Variants in CEACAM18 observed in about 807,000 individuals in gnomAD.
CEACAM18 encodes cell adhesion molecule CEACAM18.
CEACAM18 carries 33 observed loss-of-function variants against 34.3 expected under a neutral mutation model. That is an observed-to-expected ratio of 0.96 (90% CI 0.73 to 1.29). The LOEUF (loss-of-function observed/expected upper bound fraction) is 1.29. CEACAM18 is among the 50% of genes most tolerant of loss of function. CEACAM18 has a pLI of 0.00. For missense variants in CEACAM18, 474 were observed against 485.0 expected (o/e 0.98, Z 0.21); for synonymous variants, 169 against 180.9 (o/e 0.93, Z 0.53).
chr19:51,483,073 A>T (rs61732922), exon 4 of CEACAM18: 144 of 1,613,984 alleles, frequency 8.9e-5, no homozygotes, highest in Admixed American at 4.0e-4. Flanking sequence ...CGGCATTGTG[A>T]CAGCTGAGAT....
intron 3 of CEACAM18, among the ~76,000 whole-genome samples, chr19:51,482,588 G>C (rs954670175): frequency 7.9e-5 from 12 of 152,170 alleles, no homozygotes; most frequent in African/African-American, 2.9e-4. Flanking sequence ...CCTGAGACTG[G>C]CTCAATCCTT....
At chr19:51,482,497 A>G (rs1013272790) in intron 3 of CEACAM18, among the ~76,000 whole-genome samples, 3 of 152,108 alleles carry the variant, frequency 2.0e-5, no homozygotes, top group Non-Finnish European at 4.4e-5. Flanking sequence ...TGACCTCCAT[A>G]CAGCTGTTTA....
chr19:51,481,750 TGGAGA>T, intron 3 of CEACAM18, 85 bp downstream of exon 3: 1 of 1,411,658 alleles, frequency 7.1e-7, no homozygotes, highest in African/African-American at 1.4e-5. Context: ...CAGGCTGAGC[TGGAGA>T]GAGGGGGCAT....
At chr19:51,488,169 T>C (rs564320872) in intron 5 of CEACAM18, among the ~76,000 whole-genome samples, 2 of 152,292 alleles carry the variant, frequency 1.3e-5, no homozygotes, top group African/African-American at 4.8e-5. Context: ...ATTCTCATAT[T>C]CAGGGAAGAG....
intron 1 of CEACAM18, among the ~76,000 whole-genome samples, chr19:51,479,382 A>T (rs1013195092): frequency 1.3e-5 from 2 of 152,198 alleles, no homozygotes; most frequent in African/African-American, 4.8e-5. Flanking sequence ...GCAAAATCAA[A>T]GACATGTAGA....
intron 5 of CEACAM18, among the ~76,000 whole-genome samples, chr19:51,487,020 C>A (rs1990017182): frequency 6.6e-6 from 1 of 151,666 alleles, no homozygotes; most frequent in South Asian, 2.1e-4. Flanking sequence ...CCGCGCCTGG[C>A]CTTATTGAGC....
At chr19:51,485,361 C>T (rs1989981660) in intron 5 of CEACAM18, among the ~76,000 whole-genome samples, 1 of 152,122 alleles carries the variant, frequency 6.6e-6, no homozygotes, top group African/African-American at 2.4e-5. Flanking sequence ...TAGCAACTTC[C>T]CTTCTCTTTG....
intron 5 of CEACAM18, among the ~76,000 whole-genome samples, chr19:51,488,132 G>A (rs1990035248): frequency 6.6e-6 from 1 of 152,196 alleles, no homozygotes; most frequent in Non-Finnish European, 1.5e-5. Flanking sequence ...TGCATGGGAA[G>A]AGAAGAGAGC....
At chr19:51,479,164 A>G (rs1599941161) in intron 1 of CEACAM18, among the ~76,000 whole-genome samples, 1 of 149,644 alleles carries the variant, frequency 6.7e-6, no homozygotes, top group African/African-American at 2.5e-5. Context: ...TGTGCCCCCT[A>G]CAAGCACAAC....
rs1049051042 is a variant in CEACAM18, at chr19:51,481,783, C to T, written c.673+118C>T. 1.9e-5 allele frequency: 20 copies of T among 1,045,208 alleles called. No homozygotes were observed. In the African/African-American group the frequency reaches 2.7e-4, roughly 14 times the overall value. The allele number at this position is 1,045,208 out of a possible 1,614,324, so 64.7% of individuals were successfully genotyped here. A position where few individuals can be genotyped will look rare whatever the true frequency, so the allele number is the denominator to read the frequency against. On this transcript the variant is annotated intron_variant, in intron 3 of 5. Transcript: ENST00000396477. ...GGGGGCATCCTGGGCCAGCCTGCAG[C>T]CAGCTCACTCTGGATTGGAATCAGC... is the stretch of plus-strand genomic sequence containing the variant.
At chr19:51,483,512 G>T (rs1448464737) in intron 4 of CEACAM18, among the ~76,000 whole-genome samples, 1 of 152,236 alleles carries the variant, frequency 6.6e-6, no homozygotes, top group East Asian at 1.9e-4. Flanking sequence ...GACTCCCAGG[G>T]GGATAAGAGT....
chr19:51,488,595 G>A (rs1024912542), intron 5 of CEACAM18, among the ~76,000 whole-genome samples: 2 of 152,220 alleles, frequency 1.3e-5, no homozygotes, highest in Non-Finnish European at 2.9e-5. Flanking sequence ...TAGTCTTCAA[G>A]AGAGGTCTCA....
intron 1 of CEACAM18, 37 bp from the exon 2 acceptor site, chr19:51,480,296 T>C (rs749021551): frequency 2.0e-6 from 3 of 1,487,454 alleles, no homozygotes; most frequent in Non-Finnish European, 2.8e-6. Flanking sequence ...AATCTCTTTG[T>C]GAATTTCTCT....
chr19:51,484,318 CT>C (rs546695435), intron 4 of CEACAM18, among the ~76,000 whole-genome samples: 2,455 of 141,108 alleles, frequency 0.017, 37 homozygotes, highest in African/African-American at 0.046. Context: ...GCTGGGGAAG[CT>C]TTTTTTTTTT....
At chr19:51,489,061 G>A (rs1990047344) in intron 5 of CEACAM18, among the ~76,000 whole-genome samples, 1 of 151,204 alleles carries the variant, frequency 6.6e-6, no homozygotes, top group Non-Finnish European at 1.5e-5. Context: ...TTCTTCAGAC[G>A]AAAAGTTTCC....
intron 5 of CEACAM18, 141 bp downstream of exon 5, chr19:51,485,263 G>A: frequency 1.2e-6 from 1 of 833,778 alleles, no homozygotes; most frequent in Non-Finnish European, 1.8e-6. Context: ...ATCTGGGGCA[G>A]ACAGATCAGC....
intron 5 of CEACAM18, among the ~76,000 whole-genome samples, chr19:51,488,542 G>A (rs1176158546): frequency 2.6e-5 from 4 of 152,184 alleles, no homozygotes; most frequent in Non-Finnish European, 4.4e-5. Flanking sequence ...ACAAGACCTC[G>A]CCTGGGAGGT....
chr19:51,489,210 C>G (rs1275019311), intron 5 of CEACAM18, among the ~76,000 whole-genome samples: 1 of 149,144 alleles, frequency 6.7e-6, no homozygotes, highest in Admixed American at 6.6e-5. Flanking sequence ...TTAAGTCAAC[C>G]TCAGTGACTC....
exon 2 of CEACAM18, chr19:51,480,661 C>T (rs772750948): frequency 2.5e-6 from 4 of 1,612,388 alleles, no homozygotes; most frequent in South Asian, 2.2e-5. Context: ...AAAGAGCAAC[C>T]GGCTGGCTGG....
Sources: allele counts gnomAD v4.1 joint callset (sites outside exome capture counted in the v4.1 genomes callset), GRCh38; gene constraint gnomAD v4.1.1; transcripts MANE v1.5; gene names NCBI Gene and HGNC (gene_info 2026-07-23, HGNC 2026-07-21).